Variants in AKAP13 observed in about 807,000 individuals in gnomAD.
AKAP13 encodes A-kinase anchor protein 13.
In AKAP13, 80 loss-of-function variants were observed where a neutral mutation model predicts 264.5. That is an observed-to-expected ratio of 0.30 (90% CI 0.25 to 0.36). The LOEUF is 0.36. Among genes scored for constraint, AKAP13 ranks in the 10% least tolerant of loss-of-function variants. The pLI, the probability that AKAP13 is intolerant of heterozygous loss-of-function variation, is 1.00. For missense variants in AKAP13, 3,712 were observed against 3,435.2 expected, an observed-to-expected ratio of 1.08 and a Z score of -2.01; for synonymous variants, 1,380 against 1,250.2, an observed-to-expected ratio of 1.10 and a Z score of -2.19.
chr15:85,418,556 G>A (rs368762752), intron 1 of AKAP13, among the ~76,000 whole-genome samples: 7 of 152,082 alleles, frequency 4.6e-5, no homozygotes, highest in African/African-American at 1.7e-4. Context: ...TACTATAAGC[G>A]GTAAAGAAAC....
rs937449087 is a variant in AKAP13, at chr15:85,508,209, T to G, written c.34-13219T>G. Among the ~76,000 whole-genome samples the G allele has an allele frequency of 2.6e-5, 4 of 151,310 alleles. No homozygotes were observed. In the East Asian group the frequency reaches 7.8e-4, roughly 29 times the overall value. ...CCCAGGCTGGAGAGCAGTGGCACAG[T>G]CTTGGCTCATTGCAGCCTCGACTTC... On this transcript the variant is annotated intron_variant, in intron 2 of 36. Transcript: ENST00000394518.
chr15:85,458,393 GTTT>G (rs4037636), intron 1 of AKAP13, among the ~76,000 whole-genome samples: 1 of 120,660 alleles, frequency 8.3e-6, no homozygotes, highest in African/African-American at 3.3e-5. Context: ...TTTGTTTTTT[GTTT>G]TTTTTTTTTT....
Position 85,718,815 on chromosome 15 carries a change from G to T in AKAP13, c.6002-261G>T. The T allele has an allele frequency of 2.4e-6, 1 of 412,238 alleles. No homozygotes were observed. Among genetic ancestry groups the T allele is most frequent in the Non-Finnish European group, 4.5e-6 (1 of 223,848 alleles). The allele number at this position is 412,238 out of a possible 1,614,324, so 25.5% of individuals were successfully genotyped here. ...CTCGAGAGGCTAAAGCAGAAAGATC[G>T]CTTGAGCCCAGGAGGTTGAGGCTGC... is the stretch of plus-strand genomic sequence containing the variant. On this transcript the variant is annotated intron_variant, in intron 22 of 36. Coordinates refer to ENST00000394518, the MANE Select transcript of AKAP13 (RefSeq NM_007200.5). The surrounding 1 kb of genome is among the most constrained non-coding windows in gnomAD (Gnocchi z 4.9).
At chr15:85,455,219 A>G (rs1240071957) in intron 1 of AKAP13, among the ~76,000 whole-genome samples, 1 of 152,132 alleles carries the variant, frequency 6.6e-6, no homozygotes, top group Non-Finnish European at 1.5e-5. Context: ...TCATTTGATC[A>G]TTAGATTTTT....
Position 85,442,421 on chromosome 15 carries a change from A to C in AKAP13, c.-11-43289A>C, listed in dbSNP as rs955733531. Among the ~76,000 whole-genome samples the C allele has an allele frequency of 6.8e-4, 78 of 114,768 alleles. 3 individuals carry two copies. In the Middle Eastern group the frequency reaches 0.02, roughly 30 times the overall value. The allele number at this position is 114,768 out of a possible 152,430, so 75.3% of individuals were successfully genotyped here. On this transcript the variant is annotated intron_variant, in intron 1 of 36. Coordinates refer to ENST00000394518, the MANE Select transcript of AKAP13 (RefSeq NM_007200.5). ...CAAGATTCTGTCTCAAAAAAAAAAA[A>C]AAATATATATATATATAATATAAAA... is the stretch of plus-strand genomic sequence containing the variant.
chr15:85,577,037 G>A (rs1410648654), intron 6 of AKAP13, among the ~76,000 whole-genome samples: 1 of 152,104 alleles, frequency 6.6e-6, no homozygotes, highest in Non-Finnish European at 1.5e-5. Context: ...GGAGACTGTC[G>A]TACTCTCAGC....
At chr15:85,719,643 T>A (rs1330618769) in intron 23 of AKAP13, among the ~76,000 whole-genome samples, 1 of 152,080 alleles carries the variant, frequency 6.6e-6, no homozygotes, top group Non-Finnish European at 1.5e-5. Flanking sequence ...GTTTAAGAAA[T>A]CAATTAATAT....
chr15:85,662,557 G>A, intron 12 of AKAP13: 2 of 1,270,680 alleles, frequency 1.6e-6, no homozygotes, highest in Admixed American at 1.7e-5. Flanking sequence ...ATGCATATGG[G>A]CAGCCTGCTT....
chr15:85,593,959 G>T (rs1252033501), intron 8 of AKAP13, among the ~76,000 whole-genome samples: 1 of 152,092 alleles, frequency 6.6e-6, no homozygotes. Context: ...GTAAATTTGG[G>T]ATATTGATGC....
chr15:85,625,185 A>G (rs1446097637), intron 8 of AKAP13, among the ~76,000 whole-genome samples: 1 of 152,170 alleles, frequency 6.6e-6, no homozygotes, highest in Non-Finnish European at 1.5e-5. Context: ...TTGCTTCTCT[A>G]CATCACCCAT....
chr15:85,617,781 A>G (rs1451826359), intron 8 of AKAP13, among the ~76,000 whole-genome samples: 1 of 152,364 alleles, frequency 6.6e-6, no homozygotes, highest in African/African-American at 2.4e-5. Context: ...CAGTTTATCT[A>G]TACATTCAAG....
chr15:85,582,648 G>C (rs2079171934), intron 7 of AKAP13, among the ~76,000 whole-genome samples: 1 of 142,082 alleles, frequency 7.0e-6, no homozygotes, highest in Non-Finnish European at 1.6e-5. Context: ...TAGGTCATTG[G>C]TGGTTTTTTG....
chr15:85,664,910 A>G (rs1266828122), intron 13 of AKAP13, among the ~76,000 whole-genome samples, 155 bp downstream of exon 13: 1 of 152,212 alleles, frequency 6.6e-6, no homozygotes, highest in East Asian at 1.9e-4. Flanking sequence ...TTAGCACCTA[A>G]TTAAAAAGGG....
chr15:85,422,073 A>G (rs919073459), intron 1 of AKAP13, among the ~76,000 whole-genome samples: 3 of 152,242 alleles, frequency 2.0e-5, no homozygotes, highest in African/African-American at 7.2e-5. Flanking sequence ...GGGCTCTATC[A>G]TGATCTCTCT....
At chr15:85,539,790 A>G (rs1224602615) in intron 4 of AKAP13, among the ~76,000 whole-genome samples, 6 of 152,196 alleles carry the variant, frequency 3.9e-5, no homozygotes, top group Non-Finnish European at 8.8e-5. Context: ...CCAATTAAGT[A>G]TGGTTAAACA....
At chr15:85,567,951 T>TGTGG (rs1367530549) in intron 5 of AKAP13, among the ~76,000 whole-genome samples, 3 of 142,990 alleles carry the variant, frequency 2.1e-5, no homozygotes, top group Admixed American at 2.0e-4. Context: ...GGTGTGTGTG[T>TGTGG]GTGTGTGTGT....
chr15:85,544,628 T>C (rs550199227), intron 5 of AKAP13, among the ~76,000 whole-genome samples: 1 of 152,382 alleles, frequency 6.6e-6, no homozygotes, highest in East Asian at 1.9e-4. Flanking sequence ...GAGCGCTCTT[T>C]TATTCTTGTA....
chr15:85,473,046 C>T (rs754982949), intron 1 of AKAP13, among the ~76,000 whole-genome samples: 1 of 152,142 alleles, frequency 6.6e-6, no homozygotes, highest in Non-Finnish European at 1.5e-5. Context: ...ATAGGTGTTT[C>T]ATAAAATCAC....
At chr15:85,617,629 T>C (rs533646368) in intron 8 of AKAP13, among the ~76,000 whole-genome samples, 1 of 152,304 alleles carries the variant, frequency 6.6e-6, no homozygotes, top group South Asian at 2.1e-4. Flanking sequence ...CATTTGATTC[T>C]AATTAAAACA....
Sources: gnomAD v4.1 joint callset for allele counts (sites outside exome capture counted in the v4.1 genomes callset) on GRCh38, gnomAD v4.1.1 for gene constraint, Gnocchi (gnomAD v3.1) non-coding constraint, MANE v1.5 for transcripts, NCBI Gene and HGNC (gene_info 2026-07-23, HGNC 2026-07-21) for gene names.